Variants in ASZ1 observed in about 807,000 individuals in gnomAD.
ASZ1 encodes the protein ankyrin repeat, SAM and basic leucine zipper domain containing 1.
In ASZ1, 67 loss-of-function variants were observed where a neutral mutation model predicts 61.8. The observed-to-expected ratio is 1.08, with a 90% CI of 0.89 to 1.33. The LOEUF is 1.33. Among genes scored for constraint, ASZ1 ranks in the 40% most tolerant of loss-of-function variants. The pLI is 0.00. For synonymous variants in ASZ1, 193 were observed against 192.7 expected, an observed-to-expected ratio of 1.00 and a Z score of -0.01; for missense variants, 577 against 554.5, an observed-to-expected ratio of 1.04 and a Z score of -0.41.
intron 4 of ASZ1, 79 bp downstream of exon 4, chr7:117,420,084 G>T: frequency 1.0e-6 from 1 of 1,001,786 alleles, no homozygotes; most frequent in Non-Finnish European, 1.5e-6. Context: ...AGTAAACATT[G>T]TTCATGATTT....
intron 4 of ASZ1, among the ~76,000 whole-genome samples, chr7:117,401,753 C>A (rs1404285462): frequency 6.6e-6 from 1 of 152,182 alleles, no homozygotes; most frequent in Admixed American, 6.5e-5. Flanking sequence ...CCTGTACAGC[C>A]TGCATTCCAA....
chr7:117,382,051 G>C lies in ASZ1; in HGVS notation c.888+18C>G. 6 of 1,463,994 alleles carry C rather than the reference G, an allele frequency of 4.1e-6. No individual in the cohort carries two copies. The highest frequency in any genetic ancestry group is 4.8e-6 in the Non-Finnish European group (5 of 1,046,206). 90.7% of individuals were successfully genotyped at this position (1,463,994 alleles called of 1,614,324 possible). Reference sequence around the variant, plus strand: ...TAACATATATGCATAACTCACTGTAGGTTATATAAGATCTTACCTTTAGTA... The same window carrying C: ...TAACATATATGCATAACTCACTGTACGTTATATAAGATCTTACCTTTAGTA... On this transcript the variant is annotated intron_variant, in intron 8 of 12. Coordinates refer to ENST00000284629, the MANE Select transcript of ASZ1 (RefSeq NM_130768.3).
At chr7:117,387,347 C>T (rs548256113) in intron 4 of ASZ1, among the ~76,000 whole-genome samples, 9 of 151,596 alleles carry the variant, frequency 5.9e-5, no homozygotes, top group South Asian at 2.1e-4. Context: ...ACAACAACAA[C>T]GCCACCCAAA....
rs1004314242 is a variant in ASZ1, at chr7:117,427,221, C to T, written c.105+135G>A. ...AAATTTGTGCGGGTTTGCTTAAGTA[C>T]AAACTCCCGTATTTCCACTGGGTAA... On this transcript the variant is annotated intron_variant, in intron 1 of 12. Coordinates refer to ENST00000284629, the MANE Select transcript of ASZ1 (RefSeq NM_130768.3). The T allele has an allele frequency of 4.6e-6, 5 of 1,097,908 alleles. No individual in the cohort carries two copies. In the Admixed American group the frequency reaches 1.1e-4, roughly 24 times the overall value. The allele number at this position is 1,097,908 out of a possible 1,614,324, so 68.0% of individuals were successfully genotyped here. A position where few individuals can be genotyped will look rare whatever the true frequency, so the allele number is the denominator to read the frequency against.
chr7:117,424,880 A>G (rs1797166884), intron 2 of ASZ1, among the ~76,000 whole-genome samples: 1 of 152,250 alleles, frequency 6.6e-6, no homozygotes, highest in African/African-American at 2.4e-5. Flanking sequence ...AATAACAGGT[A>G]ATGTTTACAT....
At chr7:117,370,361 A>G (rs1267373220) in intron 10 of ASZ1, among the ~76,000 whole-genome samples, 3 of 152,172 alleles carry the variant, frequency 2.0e-5, no homozygotes, top group Non-Finnish European at 4.4e-5. Flanking sequence ...CCACTAAAGG[A>G]AACGTAGCCT....
intron 2 of ASZ1, among the ~76,000 whole-genome samples, chr7:117,424,759 G>C (rs1230583464): frequency 6.6e-6 from 1 of 151,990 alleles, no homozygotes; most frequent in Non-Finnish European, 1.5e-5. Flanking sequence ...TTAATATTAG[G>C]TATTCGGGCC....
intron 12 of ASZ1, 119 bp from the exon 13 acceptor site, chr7:117,363,867 G>A: frequency 2.5e-6 from 2 of 798,920 alleles, no homozygotes; most frequent in Non-Finnish European, 3.5e-6. Context: ...TTTAGATGTA[G>A]GCAACTCAAG....
chr7:117,406,951 A>G (rs935280293), intron 4 of ASZ1, among the ~76,000 whole-genome samples: 1 of 152,190 alleles, frequency 6.6e-6, no homozygotes, highest in Non-Finnish European at 1.5e-5. Flanking sequence ...TCAAAGAATA[A>G]TAAAAGAACG....
chr7:117,415,529 T>C (rs1796974266), intron 4 of ASZ1, among the ~76,000 whole-genome samples: 1 of 152,196 alleles, frequency 6.6e-6, no homozygotes, highest in South Asian at 2.1e-4. Flanking sequence ...ATTGTTATAA[T>C]TGTTCTATTT....
chr7:117,413,738 C>A (rs1410145356), intron 4 of ASZ1, among the ~76,000 whole-genome samples: 1 of 151,962 alleles, frequency 6.6e-6, no homozygotes, highest in Non-Finnish European at 1.5e-5. Context: ...TGAATTAAAT[C>A]AATGCTATTT....
intron 1 of ASZ1, 90 bp downstream of exon 1, chr7:117,427,266 G>C (rs1797240623): frequency 2.2e-6 from 3 of 1,348,504 alleles, no homozygotes; most frequent in African/African-American, 1.4e-5. Flanking sequence ...ACACGTGAGG[G>C]AGTAGGAGGT....
At chr7:117,408,561 A>C (rs1796835531) in intron 4 of ASZ1, among the ~76,000 whole-genome samples, 1 of 152,174 alleles carries the variant, frequency 6.6e-6, no homozygotes, top group African/African-American at 2.4e-5. Flanking sequence ...AAGATCTGAA[A>C]TAATATAGAA....
At chr7:117,411,223 T>A (rs1180030405) in intron 4 of ASZ1, among the ~76,000 whole-genome samples, 2 of 151,776 alleles carry the variant, frequency 1.3e-5, no homozygotes, top group Non-Finnish European at 3.0e-5. Context: ...TATTAACATA[T>A]GTCTTAAATA....
chr7:117,423,462 G>T (rs1797136808), intron 2 of ASZ1, among the ~76,000 whole-genome samples: 1 of 152,020 alleles, frequency 6.6e-6, no homozygotes, highest in South Asian at 2.1e-4. Flanking sequence ...GCTTATCAAT[G>T]AGATCAGAGA....
chr7:117,380,099 T>A, intron 9 of ASZ1, 52 bp from the exon 10 acceptor site: 1 of 1,184,792 alleles, frequency 8.4e-7, no homozygotes, highest in Non-Finnish European at 1.2e-6. Flanking sequence ...TTGAGTAATT[T>A]AAAACTCAAA....
chr7:117,426,200 G>C (rs1429782679), intron 2 of ASZ1, among the ~76,000 whole-genome samples: 1 of 151,872 alleles, frequency 6.6e-6, no homozygotes, highest in African/African-American at 2.4e-5. Context: ...ACATACAACA[G>C]GCAGGGCACG....
chr7:117,367,126 C>T (rs1458757926), intron 12 of ASZ1, among the ~76,000 whole-genome samples: 2 of 152,084 alleles, frequency 1.3e-5, no homozygotes, highest in Non-Finnish European at 1.5e-5. Flanking sequence ...TTTTTCCCTG[C>T]TAATTGAAAA....
chr7:117,379,820 A>G (rs1210265501), intron 10 of ASZ1, 118 bp downstream of exon 10: 2 of 624,076 alleles, frequency 3.2e-6, no homozygotes, highest in Non-Finnish European at 5.2e-6. Flanking sequence ...TCCAAAATCT[A>G]TTACCCTGGG....
Sources: allele counts gnomAD v4.1 joint callset (sites outside exome capture counted in the v4.1 genomes callset), GRCh38; gene constraint gnomAD v4.1.1; transcripts MANE v1.5; gene names NCBI Gene and HGNC (gene_info 2026-07-23, HGNC 2026-07-21).